The following MCM9 variants were observed in gnomAD, a reference collection of about 807,000 sequenced individuals.
MCM9 encodes minichromosome maintenance 9 homologous recombination repair factor, also known as DNA helicase MCM9.
MCM9 carries 55 observed loss-of-function variants against 72.8 expected under a neutral mutation model. The observed-to-expected ratio is 0.76, with a 90% confidence interval of 0.61 to 0.95. MCM9 has a LOEUF of 0.95. Ranked by LOEUF, MCM9 falls within the 40% of genes least tolerant of loss-of-function variation. The pLI, the probability that MCM9 is intolerant of heterozygous loss-of-function variation, is 0.00. For synonymous variants in MCM9, 480 were observed against 503.4 expected (o/e 0.95, Z 0.62); for missense variants, 1,279 against 1,377.0 (o/e 0.93, Z 1.13).
intron 9 of MCM9, among the ~76,000 whole-genome samples, chr6:118,840,544 A>C (rs1272054383): frequency 6.6e-6 from 1 of 152,150 alleles, no homozygotes; most frequent in African/African-American, 2.4e-5. Context: ...CCCACGCAGC[A>C]ACAGTGACAT....
chr6:118,821,359 A>G (rs1488515938), intron 13 of MCM9, among the ~76,000 whole-genome samples: 1 of 151,980 alleles, frequency 6.6e-6, no homozygotes, highest in Admixed American at 6.6e-5. Context: ...TCTGTAAAGG[A>G]TTTTATTTCT....
intron 8 of MCM9, among the ~76,000 whole-genome samples, chr6:118,864,801 T>C (rs1320298057): frequency 6.6e-6 from 1 of 152,138 alleles, no homozygotes; most frequent in East Asian, 1.9e-4. Context: ...AATAAAATTG[T>C]GGTGGTTTGC....
At chr6:118,889,252 C>T (rs1201943230) in intron 8 of MCM9, among the ~76,000 whole-genome samples, 1 of 152,206 alleles carries the variant, frequency 6.6e-6, no homozygotes, top group East Asian at 1.9e-4. Flanking sequence ...CATTTCCCCT[C>T]CCTATCCTTT....
chr6:118,883,818 C>T (rs1778441452), intron 8 of MCM9, among the ~76,000 whole-genome samples: 1 of 152,066 alleles, frequency 6.6e-6, no homozygotes, highest in Non-Finnish European at 1.5e-5. Context: ...GCAGACATGC[C>T]TTAAAAGAAT....
chr6:118,894,656 G>A (rs1779222811), intron 8 of MCM9: 2 of 757,554 alleles, frequency 2.6e-6, no homozygotes, highest in African/African-American at 3.6e-5. Context: ...AGGGAAACTT[G>A]AAGTTGATGG....
Position 118,923,890 on chromosome 6 carries a change from G to C in MCM9, c.542C>G (p.Ser181Cys). The change falls in exon 4 of 14, where the codon TCT (serine) becomes TGT (cysteine). Residue 181 changes from serine to cysteine, a missense_variant. Ser to Cys is a moderately radical substitution (Grantham distance 112). Transcript: ENST00000619706. Reference protein sequence around the residue: ...SCPSLESCDSSKFTCLSGLSS... With the variant: ...SCPSLESCDSCKFTCLSGLSS... ...CAAGCCTGAGAGGCAAGTGAATTTAGAGGAATCACAGCTCTCCAAGCTGGG... is the reference window on the plus strand; with the variant it reads ...CAAGCCTGAGAGGCAAGTGAATTTACAGGAATCACAGCTCTCCAAGCTGGG... The C allele has an allele frequency of 6.2e-7, 1 of 1,614,218 alleles. No individual in the cohort carries two copies. Among genetic ancestry groups the C allele is most frequent in the South Asian group, 1.1e-5 (1 of 91,084 alleles).
chr6:118,911,618 G>T, intron 8 of MCM9, 32 bp downstream of exon 8: 11 of 1,589,186 alleles, frequency 6.9e-6, no homozygotes, highest in Non-Finnish European at 9.4e-6. Context: ...CTGAAGTAAT[G>T]TTAAATTACT....
rs1021150936 is a variant in MCM9, at chr6:118,814,960, C to A, written c.3296G>T (p.Ser1099Ile). 6 of 1,550,302 alleles carry A rather than the reference C, an allele frequency of 3.9e-6. No homozygotes were observed. The East Asian group carries it at 1.2e-4, about 32-fold the overall frequency. Residue 1099 changes from serine (S) to isoleucine (I), a missense_variant, in exon 14 of 14, where the codon AGT becomes ATT. Physicochemically the swap from Ser to Ile is moderately radical, Grantham distance 142 (BLOSUM62 -2). Coordinates refer to ENST00000619706, the MANE Select transcript of MCM9 (RefSeq NM_017696.3). ...PPTTTAPMRV[S>I]KRKSFQLRGS... ...ACGGAGCTGAAAAGATTTCCTTTTA[C>A]TGACACGCATTGGAGCTGTGGTTGT...
chr6:118,837,287 A>T (rs895884149), intron 9 of MCM9, among the ~76,000 whole-genome samples: 5 of 152,124 alleles, frequency 3.3e-5, no homozygotes, highest in Non-Finnish European at 4.4e-5. Context: ...CTTCCAATTA[A>T]TTATGTAGTC....
rs1554258631 is a variant in MCM9 at position 118,867,879 on chromosome 6, C to CTTTTTTTTTTT, written c.1151-11335_1151-11334insAAAAAAAAAAA. ...TTAATTATATTTCTTTTTTCTTTTT[C>CTTTTTTTTTTT]TTTTTCTTTTTTTTTGAGATGAAGT... On this transcript the variant is annotated intron_variant, in intron 8 of 13. Coordinates refer to ENST00000619706, the MANE Select transcript of MCM9 (RefSeq NM_017696.3). Among the ~76,000 whole-genome samples, 31 of 137,510 alleles carry CTTTTTTTTTTT rather than the reference C, an allele frequency of 2.3e-4. 3 individuals are homozygous for CTTTTTTTTTTT. Among genetic ancestry groups the CTTTTTTTTTTT allele is most frequent in the South Asian group, 2.3e-4 (1 of 4,392 alleles). 90.2% of individuals were successfully genotyped at this position (137,510 alleles called of 152,430 possible). A position where few individuals can be genotyped will look rare whatever the true frequency, so the allele number is the denominator to read the frequency against.
chr6:118,894,802 A>C (rs936726507), intron 8 of MCM9, among the ~76,000 whole-genome samples: 3 of 152,178 alleles, frequency 2.0e-5, no homozygotes, highest in Non-Finnish European at 2.9e-5. Flanking sequence ...GGCAGCTCGG[A>C]GACCCGCACT....
chr6:118,815,968 G>A lies in MCM9; in HGVS notation c.2288C>T (p.Pro763Leu). The change falls in exon 14 of 14, where the codon CCT becomes CTT. Residue 763 changes from proline (P) to leucine (L), a missense_variant. By Grantham distance (98) the Pro-to-Leu change is moderately conservative. Coordinates refer to ENST00000619706, the MANE Select transcript of MCM9 (RefSeq NM_017696.3). ...ATTTTCTCCAGATGTTTTGGGATGA[G>A]GAGACACAACAACAGTGTTTTTAGG... ...SEPKNTVVVS[P>L]HPKTSGENMA... 1 of 1,550,448 alleles carries A rather than the reference G, an allele frequency of 6.4e-7. No individual in the cohort carries two copies. Among genetic ancestry groups the A allele is most frequent in the Middle Eastern group, 1.7e-4 (1 of 5,988 alleles).
intron 9 of MCM9, 75 bp downstream of exon 9, chr6:118,856,296 A>G: frequency 7.2e-7 from 1 of 1,396,888 alleles, no homozygotes; most frequent in Non-Finnish European, 9.5e-7. Context: ...CTTATAGCTC[A>G]ACAAGGTTCA....
At position 118,831,346 on chromosome 6, in the gene MCM9, A is replaced by G. The variant is rs1400435888; in HGVS notation, c.1326-2096T>C. 4.0e-5 allele frequency among the ~76,000 whole-genome samples: 6 copies of G among 151,672 alleles called. No individual in the cohort carries two copies. In the East Asian group the frequency reaches 7.7e-4, roughly 20 times the overall value. On this transcript the variant is annotated intron_variant, in intron 9 of 13. Coordinates refer to ENST00000619706, the MANE Select transcript of MCM9 (RefSeq NM_017696.3). The stretch of plus-strand genomic sequence containing the variant: ...ACAAAGCAAGAGACCATCTCAAAAA[A>G]AAAAAAAAAAAAAAAGTTGGGGGTG...
intron 9 of MCM9, among the ~76,000 whole-genome samples, chr6:118,851,854 G>A (rs753116626): frequency 9.2e-5 from 14 of 152,188 alleles, no homozygotes; most frequent in South Asian, 4.1e-4. Context: ...ACCACAGTGC[G>A]GTGGTCTAAA....
chr6:118,905,947 T>G, intron 8 of MCM9: 1 of 688,614 alleles, frequency 1.5e-6, no homozygotes, highest in Non-Finnish European at 2.3e-6. Flanking sequence ...TATGAGGTCC[T>G]TATGCCAACT....
intron 8 of MCM9, chr6:118,894,077 A>G (rs1779166046): frequency 9.1e-7 from 1 of 1,094,960 alleles, no homozygotes; most frequent in Non-Finnish European, 1.1e-6. Flanking sequence ...AGCCGCAGTT[A>G]AAGTTTCCGA....
Position 118,826,083 on chromosome 6 carries a change from T to G in MCM9, c.1961+64A>C, listed in dbSNP as rs1264695531. 2.7e-6 allele frequency: 4 copies of G among 1,505,886 alleles called. No individual in the cohort carries two copies. The African/African-American group carries it at 5.6e-5, about 21-fold the overall frequency. 93.3% of individuals were successfully genotyped at this position (1,505,886 alleles called of 1,614,324 possible). On this transcript the variant is annotated intron_variant, in intron 13 of 13. Transcript: ENST00000619706. ...TTTTTCCACTTAATGCACACTTGCT[T>G]TGTTTCACTAAATGCCAAACAAGGA...
chr6:118,891,192 T>C (rs1053243398), intron 8 of MCM9, among the ~76,000 whole-genome samples: 8 of 152,294 alleles, frequency 5.3e-5, no homozygotes, highest in Admixed American at 4.6e-4. Flanking sequence ...CCCAGTGGTA[T>C]ATACTTCCTC....
Sources: allele counts gnomAD v4.1 joint callset (sites outside exome capture counted in the v4.1 genomes callset), GRCh38; gene constraint gnomAD v4.1.1; transcripts MANE v1.5; gene names NCBI Gene and HGNC (gene_info 2026-07-23, HGNC 2026-07-21).